LSAMP: variants seen among roughly 807,000 people sequenced by gnomAD.
LSAMP encodes limbic system associated membrane protein.
Under a neutral mutation model 38.6 loss-of-function variants are expected in LSAMP, and 7 were observed. The observed-to-expected ratio is 0.18, with a 90% CI of 0.10 to 0.34. The LOEUF is 0.34. Ranked by LOEUF, LSAMP falls within the 10% of genes least tolerant of loss-of-function variation. The pLI, the probability that LSAMP is intolerant of heterozygous loss-of-function variation, is 1.00. For missense variants in LSAMP, 313 were observed against 420.0 expected (o/e 0.75, Z 2.23); for synonymous variants, 154 against 166.8 (o/e 0.92, Z 0.59).
chr3:115,839,719 C>G (rs1190471994), intron 6 of LSAMP, among the ~76,000 whole-genome samples: 3 of 152,168 alleles, frequency 2.0e-5, no homozygotes, highest in Non-Finnish European at 4.4e-5. Context: ...GCCAAAGACA[C>G]AACTATGGTA....
intron 1 of LSAMP, among the ~76,000 whole-genome samples, chr3:116,424,017 G>C (rs747308983): frequency 2.0e-5 from 3 of 152,184 alleles, no homozygotes; most frequent in East Asian, 1.9e-4. Context: ...AAAGGGAATA[G>C]AGAGAGGAAA....
chr3:116,428,915 G>T (rs914721235), intron 1 of LSAMP, among the ~76,000 whole-genome samples: 9 of 152,136 alleles, frequency 5.9e-5, no homozygotes, highest in African/African-American at 2.2e-4. Flanking sequence ...ACTTTGGGAT[G>T]GGGGTATTAG....
intron 3 of LSAMP, among the ~76,000 whole-genome samples, chr3:115,925,421 T>A (rs982169362): frequency 3.9e-5 from 6 of 152,228 alleles, no homozygotes; most frequent in African/African-American, 1.4e-4. Context: ...TAGAATTTTT[T>A]AAGCTTGATT....
chr3:116,304,781 G>A (rs1318430533), intron 1 of LSAMP, among the ~76,000 whole-genome samples: 5 of 152,024 alleles, frequency 3.3e-5, no homozygotes, highest in Non-Finnish European at 5.9e-5. Context: ...TGGTGCTGAC[G>A]GTATCACAGT....
chr3:116,263,854 A>G (rs2046861905), intron 1 of LSAMP, among the ~76,000 whole-genome samples: 2 of 152,270 alleles, frequency 1.3e-5, no homozygotes, highest in Admixed American at 1.3e-4. Flanking sequence ...GCATAGTTTT[A>G]AGGCCAAGAG....
intron 1 of LSAMP, among the ~76,000 whole-genome samples, chr3:116,308,060 C>A (rs528867129): frequency 6.6e-6 from 1 of 151,924 alleles, no homozygotes; most frequent in Non-Finnish European, 1.5e-5. Context: ...ATAAATGGTA[C>A]TATTTTTATT....
intron 3 of LSAMP, among the ~76,000 whole-genome samples, chr3:115,979,945 A>G (rs1397518226): frequency 4.6e-5 from 7 of 152,144 alleles, no homozygotes; most frequent in Admixed American, 6.5e-5. Flanking sequence ...GTGCCCTTTA[A>G]TCATTAGCAT....
At chr3:116,149,927 G>C (rs948205342) in intron 1 of LSAMP, among the ~76,000 whole-genome samples, 2 of 152,000 alleles carry the variant, frequency 1.3e-5, no homozygotes, top group African/African-American at 4.8e-5. Flanking sequence ...TGTTGAAATA[G>C]CAAATATCTT....
chr3:116,135,863 A>G (rs962591276), intron 1 of LSAMP, among the ~76,000 whole-genome samples: 1 of 152,186 alleles, frequency 6.6e-6, no homozygotes, highest in African/African-American at 2.4e-5. Context: ...AGGCTCAGGC[A>G]GGCTGATTCC....
At chr3:116,383,626 T>C (rs925081638) in intron 1 of LSAMP, among the ~76,000 whole-genome samples, 2 of 151,978 alleles carry the variant, frequency 1.3e-5, no homozygotes, top group African/African-American at 4.8e-5. Context: ...AGACAAAACA[T>C]GGAGCTTGAA....
intron 1 of LSAMP, among the ~76,000 whole-genome samples, chr3:116,271,342 C>G (rs893594930): frequency 6.6e-6 from 1 of 152,046 alleles, no homozygotes; most frequent in Non-Finnish European, 1.5e-5. Flanking sequence ...AGACTAACTA[C>G]AACTTGGCAC....
At chr3:116,370,183 T>C (rs999447960) in intron 1 of LSAMP, 17 of 152,210 alleles carry the variant, frequency 1.1e-4, no homozygotes, top group African/African-American at 3.9e-4. Context: ...TTTGTAGTTA[T>C]AGTGTTTTGG....
At chr3:116,081,189 C>T (rs146604770) in intron 2 of LSAMP, among the ~76,000 whole-genome samples, 49 of 152,228 alleles carry the variant, frequency 3.2e-4, no homozygotes, top group Middle Eastern at 3.4e-3. Context: ...TGGGGGCCGG[C>T]GAGGTGGCTC....
rs1169559245 is a variant in LSAMP, at chr3:116,116,788, C to T, written c.156-30232G>A. On this transcript the variant is annotated intron_variant, in intron 1 of 6. Transcript: ENST00000490035. Reference sequence around the variant, plus strand: ...TGTAAGTGGGTTCTTGGAAGACTCTCCAGGAGCCACGTCAAAAGTTTGACT... The same window carrying T: ...TGTAAGTGGGTTCTTGGAAGACTCTTCAGGAGCCACGTCAAAAGTTTGACT... Among the ~76,000 whole-genome samples the T allele has an allele frequency of 2.6e-5, 4 of 152,162 alleles. No homozygotes were observed. The East Asian group carries it at 5.8e-4, about 22-fold the overall frequency.
intron 1 of LSAMP, among the ~76,000 whole-genome samples, chr3:116,214,693 G>C (rs1289062801): frequency 6.6e-6 from 1 of 151,782 alleles, no homozygotes; most frequent in Non-Finnish European, 1.5e-5. Context: ...AGGAGAGACG[G>C]GGTTTCACCA....
chr3:116,149,767 C>T (rs1709571190), intron 1 of LSAMP, among the ~76,000 whole-genome samples: 1 of 151,816 alleles, frequency 6.6e-6, no homozygotes, highest in Non-Finnish European at 1.5e-5. Context: ...TGGTGATGTA[C>T]TTCTTTTTTG....
At chr3:115,904,101 C>T (rs1248897459) in intron 3 of LSAMP, among the ~76,000 whole-genome samples, 3 of 151,626 alleles carry the variant, frequency 2.0e-5, no homozygotes. Flanking sequence ...AATCATCTGT[C>T]GACGGTAGTC....
At chr3:116,239,404 A>T (rs1014078903) in intron 1 of LSAMP, among the ~76,000 whole-genome samples, 1 of 92,316 alleles carries the variant, frequency 1.1e-5, no homozygotes, top group Non-Finnish European at 2.2e-5. Context: ...CATATGTTTA[A>T]AAAAAAAGAG....
intron 3 of LSAMP, among the ~76,000 whole-genome samples, chr3:116,012,636 A>G (rs1377721526): frequency 6.6e-6 from 1 of 152,178 alleles, no homozygotes; most frequent in Non-Finnish European, 1.5e-5. Flanking sequence ...GATGTAAAAT[A>G]TTAAGGCTAA....
Sources: allele counts gnomAD v4.1 joint callset (sites outside exome capture counted in the v4.1 genomes callset), GRCh38; gene constraint gnomAD v4.1.1; transcripts MANE v1.5; gene names NCBI Gene and HGNC (gene_info 2026-07-23, HGNC 2026-07-21).